Variants in CDH18 observed in about 807,000 individuals in gnomAD.
CDH18 encodes cadherin 18, also known as cadherin-18.
CDH18 carries 31 observed loss-of-function variants against 67.9 expected under a neutral mutation model. That is an observed-to-expected ratio of 0.46 (90% CI 0.34 to 0.62). The LOEUF (loss-of-function observed/expected upper bound fraction) is 0.62. Ranked by LOEUF, CDH18 falls within the 20% of genes least tolerant of loss-of-function variation. The pLI, the probability that CDH18 is intolerant of heterozygous loss-of-function variation, is 0.01. For synonymous variants in CDH18, 362 were observed against 347.2 expected (o/e 1.04, Z -0.48); for missense variants, 890 against 975.5 (o/e 0.91, Z 1.17).
chr5:19,947,360 C>A (rs553773427), intron 2 of CDH18, among the ~76,000 whole-genome samples: 15 of 151,910 alleles, frequency 9.9e-5, no homozygotes, highest in African/African-American at 3.4e-4. Context: ...TAAAATCACA[C>A]TTTTATAGGA....
At chr5:20,371,973 C>T (rs1377219768) in intron 1 of CDH18, among the ~76,000 whole-genome samples, 1 of 152,212 alleles carries the variant, frequency 6.6e-6, no homozygotes, top group African/African-American at 2.4e-5. Flanking sequence ...ATGTCCCAGG[C>T]ATGTTCTCAT....
At chr5:20,422,942 A>G (rs1294700687) in intron 1 of CDH18, among the ~76,000 whole-genome samples, 2 of 151,130 alleles carry the variant, frequency 1.3e-5, no homozygotes, top group African/African-American at 2.5e-5. Context: ...AAGTTACTAC[A>G]TGGCACAGGT....
intron 2 of CDH18, among the ~76,000 whole-genome samples, chr5:20,226,659 CA>C (rs1260419856): frequency 1.3e-5 from 2 of 151,900 alleles, no homozygotes; most frequent in East Asian, 1.9e-4. Context: ...ACAAAACTAA[CA>C]AAAAATATCA....
At position 19,826,969 on chromosome 5, in the gene CDH18, G is replaced by C. The variant is rs1227881866; in HGVS notation, c.228+11790C>G. 1.2e-4 allele frequency among the ~76,000 whole-genome samples: 19 copies of C among 152,042 alleles called. 1 individual carries two copies. Among genetic ancestry groups the C allele is most frequent in the Non-Finnish European group, 1.0e-4 (7 of 68,012 alleles). The stretch of plus-strand genomic sequence containing the variant: ...ATGAAGAAACAAGACTCAACTCCAC[G>C]CAGTCAAGAAGTGACCCTTCTTACA... On this transcript the variant is annotated intron_variant, in intron 3 of 12. Transcript: ENST00000382275.
At chr5:20,203,172 C>G (rs1160061790) in intron 2 of CDH18, among the ~76,000 whole-genome samples, 3 of 152,156 alleles carry the variant, frequency 2.0e-5, no homozygotes, top group Admixed American at 1.3e-4. Flanking sequence ...TGGAGATGAA[C>G]AATCAGCTTC....
At chr5:20,434,005 C>T (rs933014497) in intron 1 of CDH18, among the ~76,000 whole-genome samples, 6 of 151,982 alleles carry the variant, frequency 3.9e-5, no homozygotes, top group Non-Finnish European at 8.8e-5. Flanking sequence ...GTTCAACAAC[C>T]ATTTGTATGA....
chr5:19,801,290 T>C (rs1056407606), intron 3 of CDH18, among the ~76,000 whole-genome samples: 10 of 152,218 alleles, frequency 6.6e-5, no homozygotes, highest in Admixed American at 5.9e-4. Flanking sequence ...AGTACACGTA[T>C]GTTTCATTAC....
chr5:19,853,837 A>C (rs1783978191), intron 2 of CDH18, among the ~76,000 whole-genome samples: 1 of 152,170 alleles, frequency 6.6e-6, no homozygotes, highest in South Asian at 2.1e-4. Flanking sequence ...GAAAATGCTT[A>C]CATTGTGTAA....
chr5:20,319,137 T>A (rs921002824), intron 1 of CDH18, among the ~76,000 whole-genome samples: 1 of 152,188 alleles, frequency 6.6e-6, no homozygotes, highest in African/African-American at 2.4e-5. Context: ...ATTGACTTCA[T>A]CTGTCATTAA....
At chr5:20,538,514 T>C (rs1177923928) in intron 1 of CDH18, among the ~76,000 whole-genome samples, 1 of 152,136 alleles carries the variant, frequency 6.6e-6, no homozygotes, top group Non-Finnish European at 1.5e-5. Context: ...GCTTGACCTA[T>C]TGGTCTGGTC....
At chr5:19,625,817 A>T (rs940274416) in intron 5 of CDH18, among the ~76,000 whole-genome samples, 1 of 151,912 alleles carries the variant, frequency 6.6e-6, no homozygotes, top group East Asian at 1.9e-4. Context: ...AGGGAGGAGA[A>T]GCCTGGCCCC....
rs113447370 is a variant in CDH18, at chr5:19,669,354, G to T, written c.643+51993C>A. ...CTTGCCCAGGCTGGAGTGCAGTGGG[G>T]TGATCTCGGCTCACTACAACCTCCG... On this transcript the variant is annotated intron_variant, in intron 5 of 12. Coordinates refer to ENST00000382275, the MANE Select transcript of CDH18 (RefSeq NM_004934.5). 9.0e-3 allele frequency among the ~76,000 whole-genome samples: 1,352 copies of T among 150,850 alleles called. 22 individuals carry two copies. Among genetic ancestry groups the T allele is most frequent in the African/African-American group, 0.032 (1,299 of 41,138 alleles).
intron 1 of CDH18, among the ~76,000 whole-genome samples, chr5:20,481,549 T>G: frequency 6.6e-6 from 1 of 152,248 alleles, no homozygotes; most frequent in Non-Finnish European, 1.5e-5. Context: ...TTCTCAAGGA[T>G]AGACCATATG....
chr5:19,540,728 G>A (rs751336117), intron 9 of CDH18, among the ~76,000 whole-genome samples: 1 of 152,086 alleles, frequency 6.6e-6, no homozygotes, highest in Non-Finnish European at 1.5e-5. Flanking sequence ...TGCCACAGCT[G>A]GTGCGACTGG....
At chr5:19,542,909 CT>C (rs1343562291) in intron 9 of CDH18, among the ~76,000 whole-genome samples, 2 of 151,864 alleles carry the variant, frequency 1.3e-5, no homozygotes, top group African/African-American at 2.4e-5. Flanking sequence ...TCATTTTATG[CT>C]GTGTGAATTG....
intron 2 of CDH18, among the ~76,000 whole-genome samples, chr5:19,975,375 T>G (rs75413238): frequency 0.012 from 1,845 of 152,132 alleles, 55 homozygotes; most frequent in African/African-American, 0.042. Flanking sequence ...TTCAATATGT[T>G]GGGAAAAAAT....
Position 20,398,749 on chromosome 5 carries a change from A to G in CDH18, c.-579-143244T>C, listed in dbSNP as rs80265156. Among the ~76,000 whole-genome samples the G allele has an allele frequency of 3.5e-3, 449 of 129,316 alleles. 2 individuals carry two copies. The highest frequency in any genetic ancestry group is 9.9e-3 in the African/African-American group (325 of 32,954). The allele number at this position is 129,316 out of a possible 152,430, so 84.8% of individuals were successfully genotyped here. On this transcript the variant is annotated intron_variant, in intron 1 of 14. Transcript: ENST00000507958. ...ACCACCACGGCACACGTATACCTACATAAAAAACCACCAGGGCACACGTAT... is the reference window on the plus strand; with the variant it reads ...ACCACCACGGCACACGTATACCTACGTAAAAAACCACCAGGGCACACGTAT...
chr5:20,223,080 A>G (rs1741355758), intron 2 of CDH18, among the ~76,000 whole-genome samples: 1 of 152,088 alleles, frequency 6.6e-6, no homozygotes, highest in South Asian at 2.1e-4. Context: ...AGAAATATTT[A>G]TCATGTCATT....
At chr5:19,645,486 T>C (rs1754613663) in intron 5 of CDH18, among the ~76,000 whole-genome samples, 2 of 152,214 alleles carry the variant, frequency 1.3e-5, no homozygotes, top group African/African-American at 4.8e-5. Context: ...CTGTAGGCTC[T>C]GGCTATTGAC....
Sources: allele counts gnomAD v4.1 joint callset (sites outside exome capture counted in the v4.1 genomes callset), GRCh38; gene constraint gnomAD v4.1.1; transcripts MANE v1.5; gene names NCBI Gene and HGNC (gene_info 2026-07-23, HGNC 2026-07-21).